Variants in FAM117B observed in about 807,000 individuals in gnomAD.
FAM117B encodes family with sequence similarity 117 member B, also known as protein FAM117B.
In FAM117B, 22 loss-of-function variants were observed where a neutral mutation model predicts 52.8. The observed-to-expected ratio is 0.42, with a 90% CI of 0.30 to 0.59. FAM117B has a LOEUF of 0.59. FAM117B is among the 20% of genes least tolerant of loss of function. The probability of loss-of-function intolerance (pLI) is 0.22; values close to 1 mark genes in which losing one functional copy is unlikely to be tolerated. For synonymous variants in FAM117B, 309 were observed against 324.1 expected (o/e 0.95, Z 0.50); for missense variants, 678 against 802.6 (o/e 0.84, Z 1.88).
chr2:202,648,952 C>T (rs1420966166), intron 1 of FAM117B, among the ~76,000 whole-genome samples: 1 of 152,040 alleles, frequency 6.6e-6, no homozygotes, highest in Non-Finnish European at 1.5e-5. Flanking sequence ...TGGTGTTTCA[C>T]CGTGTTGACC....
At chr2:202,725,597 G>A (rs530270533) in intron 3 of FAM117B, among the ~76,000 whole-genome samples, 42 of 152,242 alleles carry the variant, frequency 2.8e-4, no homozygotes, top group African/African-American at 9.9e-4. Flanking sequence ...GGGATTACAG[G>A]CATGAGCCAC....
chr2:202,665,720 C>T (rs190383208), intron 1 of FAM117B, among the ~76,000 whole-genome samples: 39 of 152,302 alleles, frequency 2.6e-4, no homozygotes, highest in Admixed American at 2.6e-3. Context: ...CCTGCCTCAG[C>T]CTCCTGAGTA....
At chr2:202,697,839 C>T (rs1412630835) in intron 2 of FAM117B, among the ~76,000 whole-genome samples, 1 of 151,756 alleles carries the variant, frequency 6.6e-6, no homozygotes, top group African/African-American at 2.4e-5. Context: ...TGTGAGCCAC[C>T]ACACGTGGCC....
chr2:202,655,743 A>AGTGT (rs1690044905), intron 1 of FAM117B, among the ~76,000 whole-genome samples: 1 of 134,662 alleles, frequency 7.4e-6, no homozygotes, highest in African/African-American at 3.8e-5. Context: ...AGAGAGAGAG[A>AGTGT]GAGAGAGAGA....
At chr2:202,644,058 TTTTTTG>T (rs1299587172) in intron 1 of FAM117B, among the ~76,000 whole-genome samples, 16 of 135,120 alleles carry the variant, frequency 1.2e-4, no homozygotes, top group African/African-American at 3.8e-4. Flanking sequence ...GAGCTGTTTT[TTTTTTG>T]TTTTTTTTTT....
intron 6 of FAM117B, among the ~76,000 whole-genome samples, 195 bp downstream of exon 6, chr2:202,757,633 T>C (rs932454393): frequency 1.3e-5 from 2 of 152,264 alleles, no homozygotes; most frequent in African/African-American, 4.8e-5. Flanking sequence ...GGCAAGTTTA[T>C]GAGCTTTTGT....
chr2:202,684,593 G>A (rs1690511167), intron 1 of FAM117B, among the ~76,000 whole-genome samples: 1 of 152,136 alleles, frequency 6.6e-6, no homozygotes, highest in African/African-American at 2.4e-5. Flanking sequence ...GCACAGTACT[G>A]AAGTGCTGTT....
At chr2:202,701,228 G>A (rs907048320) in intron 2 of FAM117B, among the ~76,000 whole-genome samples, 1 of 152,130 alleles carries the variant, frequency 6.6e-6, no homozygotes, top group African/African-American at 2.4e-5. Flanking sequence ...TTCATGGAAC[G>A]ACAAAGCCTG....
chr2:202,691,698 T>TGTGTGTGTGTGC (rs1476079292), intron 1 of FAM117B, among the ~76,000 whole-genome samples: 100 of 131,150 alleles, frequency 7.6e-4, no homozygotes, highest in South Asian at 3.2e-3. Context: ...TGTGTGTGTG[T>TGTGTGTGTGTGC]GCGCGCGCGC....
At chr2:202,649,487 TGTTA>T (rs1689924254) in intron 1 of FAM117B, among the ~76,000 whole-genome samples, 1 of 152,232 alleles carries the variant, frequency 6.6e-6, no homozygotes, top group African/African-American at 2.4e-5. Context: ...TCAAATACTT[TGTTA>T]TTCATCAAAT....
intron 2 of FAM117B, among the ~76,000 whole-genome samples, chr2:202,715,139 G>A (rs75585536): frequency 0.28 from 41,622 of 150,700 alleles, 6,178 homozygotes; most frequent in East Asian, 0.53. Context: ...CCTCCCGGAC[G>A]GGGCGGCTGG....
chr2:202,700,685 A>ATTT (rs747907499), intron 2 of FAM117B, among the ~76,000 whole-genome samples: 30 of 138,122 alleles, frequency 2.2e-4, no homozygotes, highest in African/African-American at 7.7e-4. Context: ...CTAAACAAGA[A>ATTT]TTTTTTTTTT....
At chr2:202,636,295 A>G (rs1040477877) in intron 1 of FAM117B, among the ~76,000 whole-genome samples, 16 of 152,376 alleles carry the variant, frequency 1.1e-4, no homozygotes, top group Middle Eastern at 3.4e-3. Flanking sequence ...ATCACTGAAC[A>G]GAGGAGGCTG....
intron 4 of FAM117B, among the ~76,000 whole-genome samples, chr2:202,730,563 G>A (rs905536887): frequency 5.3e-5 from 8 of 152,182 alleles, no homozygotes; most frequent in Non-Finnish European, 1.2e-4. Flanking sequence ...CAAGCTACTC[G>A]GGAGGCTGAG....
intron 1 of FAM117B, among the ~76,000 whole-genome samples, chr2:202,668,849 T>G (rs1033799897): frequency 9.2e-5 from 14 of 152,148 alleles, no homozygotes; most frequent in African/African-American, 3.4e-4. Flanking sequence ...CTAAGTAATT[T>G]AATGTTTCAG....
At chr2:202,720,232 G>GT (rs1051275890) in intron 2 of FAM117B, among the ~76,000 whole-genome samples, 2 of 151,788 alleles carry the variant, frequency 1.3e-5, no homozygotes, top group Non-Finnish European at 2.9e-5. Flanking sequence ...TCTAATGGAG[G>GT]TATTTCTTTA....
chr2:202,734,088 C>G (rs1691401545), intron 4 of FAM117B, among the ~76,000 whole-genome samples: 1 of 152,182 alleles, frequency 6.6e-6, no homozygotes, highest in African/African-American at 2.4e-5. Context: ...GGTTCCCTGA[C>G]TTCCCACAGC....
chr2:202,715,274 C>T (rs1451843148), intron 2 of FAM117B, among the ~76,000 whole-genome samples: 3 of 151,766 alleles, frequency 2.0e-5, no homozygotes, highest in Admixed American at 6.6e-5. Context: ...CACCTCCCTC[C>T]GGGACGGGGC....
At chr2:202,763,425 C>T (rs1317332942) in intron 7 of FAM117B, among the ~76,000 whole-genome samples, 1 of 151,990 alleles carries the variant, frequency 6.6e-6, no homozygotes, top group Admixed American at 6.6e-5. Context: ...AAAATCTAGC[C>T]CTCATTTGGA....
Sources: gnomAD v4.1 joint callset for allele counts (sites outside exome capture counted in the v4.1 genomes callset) on GRCh38, gnomAD v4.1.1 for gene constraint, MANE v1.5 for transcripts, NCBI Gene and HGNC (gene_info 2026-07-23, HGNC 2026-07-21) for gene names.